The following CREBBP variants were observed in gnomAD, a reference collection of about 807,000 sequenced individuals.
The protein encoded by CREBBP is CREB-binding protein.
In CREBBP, 19 loss-of-function variants were observed where a neutral mutation model predicts 265.0. That is an observed-to-expected ratio of 0.07 (90% CI 0.05 to 0.11). The LOEUF (loss-of-function observed/expected upper bound fraction) is 0.11, where lower values mean the gene tolerates loss of function less well. Among genes scored for constraint, CREBBP ranks in the 10% least tolerant of loss-of-function variants. CREBBP has a pLI of 1.00. For missense variants in CREBBP, 2,525 were observed against 3,219.0 expected (o/e 0.78, Z 5.22); for synonymous variants, 1,457 against 1,223.7 (o/e 1.19, Z -3.98).
At chr16:3,868,800 C>T (rs2055232923) in intron 1 of CREBBP, among the ~76,000 whole-genome samples, 1 of 152,232 alleles carries the variant, frequency 6.6e-6, no homozygotes, top group Non-Finnish European at 1.5e-5. Flanking sequence ...ACTCAGAGTT[C>T]CATGAGGACA....
rs2141200146 is a variant in CREBBP at position 3,770,679 on chromosome 16, G to A, written c.2771C>T (p.Ala924Val). The change falls in exon 14 of 31, where the codon GCC (alanine) becomes GTC (valine). Residue 924 changes from alanine (A) to valine (V), a missense_variant. Transcript: ENST00000262367. ...STPTVQAAAQ[A>V]QVTPQPQTPV... ...GGTTTGAGGCTGCGGGGTCACCTGG[G>A]CCTGGGCTGCTGCCTGGACTGTAGG... 1.2e-6 allele frequency: 2 copies of A among 1,614,058 alleles called. No homozygotes were observed. Among genetic ancestry groups the A allele is most frequent in the Non-Finnish European group, 8.5e-7 (1 of 1,180,002 alleles).
At chr16:3,838,348 A>G (rs549313830) in intron 2 of CREBBP, among the ~76,000 whole-genome samples, 2 of 152,334 alleles carry the variant, frequency 1.3e-5, no homozygotes, top group African/African-American at 2.4e-5. Flanking sequence ...CTAGGTTTGC[A>G]TAACTACTCT....
rs531101186 is a variant in CREBBP at position 3,778,494 on chromosome 16, A to G, written c.1941+206T>C. Among the ~76,000 whole-genome samples the G allele has an allele frequency of 3.9e-5, 6 of 152,352 alleles. No individual in the cohort carries two copies. The East Asian group carries it at 7.7e-4, about 20-fold the overall frequency. On this transcript the variant is annotated intron_variant, in intron 9 of 30. Coordinates refer to ENST00000262367, the MANE Select transcript of CREBBP (RefSeq NM_004380.3). ...TCCCATGGATATAATGTAAATTTATATACTCCATGCACCAATGTAGCTAAT... is the reference window on the plus strand; with the variant it reads ...TCCCATGGATATAATGTAAATTTATGTACTCCATGCACCAATGTAGCTAAT...
intron 1 of CREBBP, among the ~76,000 whole-genome samples, chr16:3,878,489 C>T (rs1286978176): frequency 6.6e-6 from 1 of 152,198 alleles, no homozygotes; most frequent in Non-Finnish European, 1.5e-5. Flanking sequence ...AATCGCTTTT[C>T]ACTTCTACAT....
intron 2 of CREBBP, among the ~76,000 whole-genome samples, chr16:3,835,831 T>C (rs973631043): frequency 5.3e-5 from 8 of 151,646 alleles, no homozygotes; most frequent in Non-Finnish European, 1.0e-4. Context: ...CCACCCGCCT[T>C]GGCCTCCCAA....
intron 6 of CREBBP, among the ~76,000 whole-genome samples, chr16:3,781,543 G>GT (rs1331730094): frequency 6.6e-6 from 1 of 152,104 alleles, no homozygotes; most frequent in Non-Finnish European, 1.5e-5. Flanking sequence ...TGTAACCAAA[G>GT]TAAGGTGTGT....
At chr16:3,811,700 G>A (rs556215040) in intron 2 of CREBBP, among the ~76,000 whole-genome samples, 160 of 152,114 alleles carry the variant, frequency 1.1e-3, no homozygotes, top group African/African-American at 3.7e-3. Context: ...CATCATGCTG[G>A]CCAGGCTGTT....
chr16:3,869,343 A>G (rs764132292), intron 1 of CREBBP, among the ~76,000 whole-genome samples: 6 of 152,214 alleles, frequency 3.9e-5, no homozygotes, highest in Non-Finnish European at 8.8e-5. Context: ...AGCATAACAA[A>G]TATTTTCTAA....
At chr16:3,852,147 T>A (rs2054860237) in intron 1 of CREBBP, among the ~76,000 whole-genome samples, 1 of 130,294 alleles carries the variant, frequency 7.7e-6, no homozygotes, top group Non-Finnish European at 1.6e-5. Context: ...GTAAAGCCAA[T>A]CTTAAATTTG....
At chr16:3,778,530 C>T (rs2053198183) in intron 9 of CREBBP, among the ~76,000 whole-genome samples, 170 bp downstream of exon 9, 1 of 152,190 alleles carries the variant, frequency 6.6e-6, no homozygotes, top group African/African-American at 2.4e-5. Flanking sequence ...CAAGAGAGTT[C>T]TGCAGGAGAT....
At chr16:3,806,703 G>A (rs1056247149) in intron 3 of CREBBP, among the ~76,000 whole-genome samples, 89 of 152,130 alleles carry the variant, frequency 5.9e-4, no homozygotes, top group African/African-American at 1.9e-3. Flanking sequence ...TCCTCACTCA[G>A]CTAAAGTGGC....
rs1174028020 is a variant in CREBBP, at chr16:3,728,201, G to A, written c.6846C>T (p.Asp2282=). The change falls in exon 31 of 31, where the codon GAC becomes GAT. Residue 2282 remains aspartate, a synonymous_variant. Transcript: ENST00000262367. This position sits in a 1 kb window ranked among gnomAD's most constrained non-coding sequence, Gnocchi z 8.7. ...GGGCTTGCTGGATGTTGGGGGTGCT[G>A]TCTGCCCCCAGCCCCGGCTGCCCCA... ...GQMGQPGLGA[D]STPNIQQALQ... 2 of 1,613,860 alleles carry A rather than the reference G, an allele frequency of 1.2e-6. No homozygotes were observed. The highest frequency in any genetic ancestry group is 8.5e-7 in the Non-Finnish European group (1 of 1,180,004).
chr16:3,728,813 G>A lies in CREBBP; in HGVS notation c.6234C>T (p.Ser2078=), dbSNP rs752241593. ...QDLLRTLKSP[S]SPQQQQQVLN... is the part of the protein sequence containing the mutation. ...GCACCTGCTGTTGCTGCTGAGGGGA[G>A]CTGGGCGACTTCAGGGTCCGCAGCA... The change falls in exon 31 of 31, where the codon AGC becomes AGT. Residue 2078 remains serine, a synonymous_variant. Coordinates refer to ENST00000262367, the MANE Select transcript of CREBBP (RefSeq NM_004380.3). This position sits in a 1 kb window ranked among gnomAD's most constrained non-coding sequence, Gnocchi z 8.7. The A allele has an allele frequency of 4.4e-5, 71 of 1,613,532 alleles. No individual in the cohort carries two copies. The highest frequency in any genetic ancestry group is 5.8e-5 in the Non-Finnish European group (69 of 1,180,010).
chr16:3,821,288 A>T (rs977503658), intron 2 of CREBBP, among the ~76,000 whole-genome samples: 3 of 152,126 alleles, frequency 2.0e-5, no homozygotes, highest in Admixed American at 6.6e-5. Context: ...AGTGAGTGAC[A>T]ACTGAGGGTT....
At chr16:3,768,509 A>G (rs1021557872) in intron 15 of CREBBP, among the ~76,000 whole-genome samples, 3 of 152,142 alleles carry the variant, frequency 2.0e-5, no homozygotes, top group Admixed American at 6.5e-5. Flanking sequence ...ATTTTTCACT[A>G]CAGATATTTC....
intron 1 of CREBBP, among the ~76,000 whole-genome samples, chr16:3,878,698 T>C (rs2055453642): frequency 2.0e-5 from 3 of 152,208 alleles, no homozygotes; most frequent in Admixed American, 1.3e-4. Context: ...TTGGACTCAT[T>C]CATTAGAAAC....
chr16:3,793,133 G>A (rs962585485), intron 4 of CREBBP, among the ~76,000 whole-genome samples: 2 of 152,206 alleles, frequency 1.3e-5, no homozygotes, highest in Admixed American at 6.5e-5. Flanking sequence ...GAACAAATAC[G>A]GGGCACAGCT....
rs761012080 is a variant in CREBBP, at chr16:3,736,828, C to A, written c.4395-13G>T. 4.3e-6 allele frequency: 7 copies of A among 1,613,994 alleles called. No individual in the cohort carries two copies. In the African/African-American group the frequency reaches 6.7e-5, roughly 15 times the overall value. Reference sequence around the variant, plus strand: ...CCCTGTCACATACCTGCAGGACCCACGCACACACGTCAGATGAACGTGCCA... The same window carrying A: ...CCCTGTCACATACCTGCAGGACCCAAGCACACACGTCAGATGAACGTGCCA... On this transcript the variant is annotated splice_polypyrimidine_tract_variant and intron_variant, in intron 26 of 30. Coordinates refer to ENST00000262367, the MANE Select transcript of CREBBP (RefSeq NM_004380.3).
chr16:3,773,989 A>T, intron 12 of CREBBP, 59 bp from the exon 13 acceptor site: 1 of 1,580,844 alleles, frequency 6.3e-7, no homozygotes, highest in South Asian at 1.1e-5. Context: ...CAGAGTTTTC[A>T]AGGTGAGCCA....
Sources: gnomAD v4.1 joint callset for allele counts (sites outside exome capture counted in the v4.1 genomes callset) on GRCh38, gnomAD v4.1.1 for gene constraint, Gnocchi (gnomAD v3.1) non-coding constraint, MANE v1.5 for transcripts, NCBI Gene and HGNC (gene_info 2026-07-23, HGNC 2026-07-21) for gene names.